The following MTMR8 variants were observed in gnomAD, a reference collection of about 807,000 sequenced individuals.
MTMR8 encodes phosphatidylinositol-3,5-bisphosphate 3-phosphatase MTMR8.
In MTMR8, 65 loss-of-function variants were observed where a neutral mutation model predicts 39.3. The ratio of observed to expected loss-of-function variants is 1.65; its 90% CI spans 1.35 to 2.03. The LOEUF (loss-of-function observed/expected upper bound fraction) is 2.03, where lower values mean the gene tolerates loss of function less well. Among genes scored for constraint, MTMR8 ranks in the 30% most tolerant of loss-of-function variants. The pLI is 0.00. For synonymous variants in MTMR8, 245 were observed against 185.2 expected (o/e 1.32, Z -2.62); for missense variants, 777 against 538.9 (o/e 1.44, Z -4.37).
intron 12 of MTMR8, among the ~76,000 whole-genome samples, chrX:64,313,198 A>T (rs1189560539): frequency 8.9e-6 from 1 of 112,477 alleles, no homozygotes; most frequent in Non-Finnish European, 1.9e-5. Context: ...TGCTTCATCT[A>T]TATTGAAAAA....
chrX:64,324,213 T>A (rs1482627068), intron 12 of MTMR8, among the ~76,000 whole-genome samples: 1 of 107,496 alleles, frequency 9.3e-6, no homozygotes, highest in African/African-American at 3.4e-5. Context: ...AAAATTAAGA[T>A]TAGCCAGGTG....
chrX:64,297,912 G>C lies in MTMR8; in HGVS notation c.1482-26839C>G, dbSNP rs200979174. ...GTTGTAGGTAGGCGGCGTTATTTCTGAGGGCTCTGTTCTGTTCCATTGATC... is the reference window on the plus strand; with the variant it reads ...GTTGTAGGTAGGCGGCGTTATTTCTCAGGGCTCTGTTCTGTTCCATTGATC... On this transcript the variant is annotated intron_variant, in intron 12 of 13. Transcript: ENST00000374852. 5.3e-3 allele frequency among the ~76,000 whole-genome samples: 532 copies of C among 100,906 alleles called. 17 individuals carry two copies. The East Asian group carries it at 0.12, about 22-fold the overall frequency. The allele number at this position is 100,906 out of a possible 115,157, so 87.6% of individuals were successfully genotyped here. A position where few individuals can be genotyped will look rare whatever the true frequency, so the allele number is the denominator to read the frequency against.
intron 8 of MTMR8, among the ~76,000 whole-genome samples, chrX:64,343,312 T>C (rs1359114748): frequency 8.9e-6 from 1 of 112,022 alleles, no homozygotes; most frequent in African/African-American, 3.2e-5. Context: ...TCATTTTCTG[T>C]ATGTATCATC....
intron 1 of MTMR8, among the ~76,000 whole-genome samples, chrX:64,384,040 G>A (rs1253803232): frequency 8.9e-6 from 1 of 112,061 alleles, no homozygotes; most frequent in East Asian, 2.8e-4. Flanking sequence ...GGGGTTATAA[G>A]CATTGGGTAA....
intron 12 of MTMR8, among the ~76,000 whole-genome samples, chrX:64,315,403 C>G (rs762168491): frequency 5.4e-5 from 6 of 111,760 alleles, no homozygotes; most frequent in African/African-American, 2.0e-4. Context: ...TCCCTCTGCC[C>G]ACTCTCAGTG....
intron 12 of MTMR8, among the ~76,000 whole-genome samples, chrX:64,283,042 A>G (rs960601031): frequency 8.9e-6 from 1 of 112,242 alleles, no homozygotes; most frequent in Non-Finnish European, 1.9e-5. Flanking sequence ...CTCACCCAGG[A>G]AGCGCAAGGG....
chrX:64,343,551 A>G (rs1923269218), intron 8 of MTMR8, 60 bp downstream of exon 8: 1 of 699,315 alleles, frequency 1.4e-6, no homozygotes. Flanking sequence ...ATGGCACACT[A>G]CTACTTCAAT....
chrX:64,370,788 C>G (rs190318586), intron 1 of MTMR8, among the ~76,000 whole-genome samples: 3 of 111,755 alleles, frequency 2.7e-5, no homozygotes, highest in Admixed American at 9.5e-5. Context: ...TGAGGCACTT[C>G]TCAGAACATA....
intron 10 of MTMR8, among the ~76,000 whole-genome samples, chrX:64,335,154 G>A (rs1923041998): frequency 9.4e-6 from 1 of 106,539 alleles, no homozygotes. Flanking sequence ...TTTTTGAGAT[G>A]GAGTTTCAGT....
intron 1 of MTMR8, among the ~76,000 whole-genome samples, chrX:64,384,791 T>C (rs1302948954): frequency 1.8e-5 from 2 of 112,542 alleles, no homozygotes; most frequent in African/African-American, 6.4e-5. Flanking sequence ...GGGTCTGTGA[T>C]GGGAGGGGCT....
intron 12 of MTMR8, chrX:64,305,079 T>A: frequency 4.6e-6 from 1 of 217,543 alleles, no homozygotes; most frequent in Non-Finnish European, 9.3e-6. Context: ...TACTGGCAGA[T>A]AAATTGAAAC....
intron 12 of MTMR8, among the ~76,000 whole-genome samples, chrX:64,296,573 G>T (rs955965639): frequency 4.9e-4 from 45 of 90,932 alleles, no homozygotes; most frequent in South Asian, 1.5e-3. Flanking sequence ...CCCTATGCTG[G>T]TTTTTTTTTT....
rs1471962052 is a variant in MTMR8 at position 64,299,754 on chromosome X, C to T, written c.1482-28681G>A. On this transcript the variant is annotated intron_variant, in intron 12 of 13. Coordinates refer to ENST00000374852, the MANE Select transcript of MTMR8 (RefSeq NM_017677.4). ...TTCCCTCTACACACTGCTTTGAATG[C>T]GTCCCAGAGATTCTGGTATGTTGTG... Among the ~76,000 whole-genome samples, 155 of 100,367 alleles carry T rather than the reference C, an allele frequency of 1.5e-3. 1 individual carries two copies. The highest frequency in any genetic ancestry group is 5.2e-3 in the Middle Eastern group (1 of 194). 87.2% of individuals were successfully genotyped at this position (100,367 alleles called of 115,157 possible).
intron 1 of MTMR8, among the ~76,000 whole-genome samples, chrX:64,363,969 C>T (rs1457924604): frequency 2.7e-5 from 3 of 112,707 alleles, no homozygotes; most frequent in Non-Finnish European, 3.8e-5. Context: ...CCCACGCCCA[C>T]GGAGCCTTGC....
chrX:64,283,226 G>C (rs1921025602), intron 12 of MTMR8, among the ~76,000 whole-genome samples: 1 of 111,864 alleles, frequency 8.9e-6, no homozygotes, highest in African/African-American at 3.3e-5. Context: ...CTCGCTCATT[G>C]CTAGCACAGC....
At chrX:64,315,723 T>C (rs1183169158) in intron 12 of MTMR8, among the ~76,000 whole-genome samples, 1 of 112,042 alleles carries the variant, frequency 8.9e-6, no homozygotes, top group Non-Finnish European at 1.9e-5. Flanking sequence ...TAAGATCATT[T>C]ACATTTAAGA....
chrX:64,387,646 T>G (rs1924595429), intron 1 of MTMR8, among the ~76,000 whole-genome samples: 1 of 105,068 alleles, frequency 9.5e-6, no homozygotes, highest in Admixed American at 1.0e-4. Context: ...TGGCAGAAAC[T>G]GAGGTCTCAC....
chrX:64,310,615 A>G (rs1273517920), intron 12 of MTMR8, among the ~76,000 whole-genome samples: 1 of 111,061 alleles, frequency 9.0e-6, no homozygotes, highest in African/African-American at 3.3e-5. Context: ...CTCGTCATTT[A>G]CATAAGGTAT....
chrX:64,346,395 G>A (rs1394039294), intron 6 of MTMR8, among the ~76,000 whole-genome samples: 1 of 111,223 alleles, frequency 9.0e-6, no homozygotes, highest in Non-Finnish European at 1.9e-5. Context: ...AAGGGGAAAT[G>A]TGATGGTAAT....
Sources: allele counts gnomAD v4.1 joint callset (sites outside exome capture counted in the v4.1 genomes callset), GRCh38; gene constraint gnomAD v4.1.1; transcripts MANE v1.5; gene names NCBI Gene and HGNC (gene_info 2026-07-23, HGNC 2026-07-21).